SESTD1: variants seen among roughly 807,000 people sequenced by gnomAD.
The protein encoded by SESTD1 is SEC14 and spectrin domain containing 1.
In SESTD1, 43 loss-of-function variants were observed where a neutral mutation model predicts 101.7. The observed-to-expected ratio is 0.42, with a 90% CI of 0.33 to 0.55. The LOEUF (loss-of-function observed/expected upper bound fraction) is 0.55. Among genes scored for constraint, SESTD1 ranks in the 20% least tolerant of loss-of-function variants. SESTD1 has a pLI of 0.07. For missense variants in SESTD1, 647 were observed against 815.1 expected (o/e 0.79, Z 2.51); for synonymous variants, 283 against 286.8 (o/e 0.99, Z 0.13).
intron 1 of SESTD1, among the ~76,000 whole-genome samples, chr2:179,224,405 G>A (rs2046854268): frequency 6.6e-6 from 1 of 152,176 alleles, no homozygotes; most frequent in Admixed American, 6.5e-5. Context: ...CTAAGGCTAA[G>A]TCCAAGGATA....
At chr2:179,239,266 G>A (rs1005820796) in intron 1 of SESTD1, among the ~76,000 whole-genome samples, 1 of 152,024 alleles carries the variant, frequency 6.6e-6, no homozygotes, top group Admixed American at 6.5e-5. Flanking sequence ...GAATAATCCT[G>A]AATTCTGTTA....
chr2:179,194,206 T>A (rs546174343), intron 1 of SESTD1, among the ~76,000 whole-genome samples: 17 of 152,234 alleles, frequency 1.1e-4, no homozygotes, highest in Admixed American at 6.5e-4. Flanking sequence ...CCCCTCAACA[T>A]CCCAACCTTT....
intron 1 of SESTD1, among the ~76,000 whole-genome samples, chr2:179,245,177 T>C (rs904236180): frequency 6.6e-6 from 1 of 151,736 alleles, no homozygotes; most frequent in Non-Finnish European, 1.5e-5. Context: ...CAACACAGCA[T>C]GTTGGCAACA....
chr2:179,147,869 CG>C (rs2045430399), intron 7 of SESTD1, among the ~76,000 whole-genome samples: 1 of 152,174 alleles, frequency 6.6e-6, no homozygotes, highest in South Asian at 2.1e-4. Context: ...CAAACTTACT[CG>C]GATGGACTAT....
At chr2:179,246,472 T>C (rs2047233266) in intron 1 of SESTD1, among the ~76,000 whole-genome samples, 5 of 152,170 alleles carry the variant, frequency 3.3e-5, no homozygotes. Context: ...AGATATCTCT[T>C]CAGTATCTCT....
chr2:179,108,402 A>C lies in SESTD1; in HGVS notation c.*1497T>G, dbSNP rs2044432520. ...GGGTAAGGGATTCAGACGGAGAAAA[A>C]AACCATTCAGTTTGGTAACTGGGAG... On this transcript the variant is annotated 3_prime_UTR_variant, in exon 18 of 18. Transcript: ENST00000428443. 6.6e-6 allele frequency: 1 copy of C among 152,264 alleles called. No homozygotes were observed. The highest frequency in any genetic ancestry group is 2.4e-5 in the African/African-American group (1 of 41,422). The allele number at this position is 152,264 out of a possible 1,614,324, so 9.4% of individuals were successfully genotyped here. A position where few individuals can be genotyped will look rare whatever the true frequency, so the allele number is the denominator to read the frequency against.
intron 1 of SESTD1, among the ~76,000 whole-genome samples, chr2:179,230,529 A>C (rs992771209): frequency 7.9e-5 from 12 of 152,092 alleles, no homozygotes; most frequent in African/African-American, 2.9e-4. Context: ...AAAATAAATA[A>C]ATAAATAAGA....
intron 9 of SESTD1, among the ~76,000 whole-genome samples, chr2:179,138,219 C>A (rs561447389): frequency 6.6e-6 from 1 of 152,112 alleles, no homozygotes; most frequent in African/African-American, 2.4e-5. Context: ...CTTCCTTACC[C>A]AGTTGAGCTG....
Position 179,215,303 on chromosome 2 carries a change from G to A in SESTD1, c.-25-23437C>T, listed in dbSNP as rs1559146861. On this transcript the variant is annotated intron_variant, in intron 1 of 17. Coordinates refer to ENST00000428443, the MANE Select transcript of SESTD1 (RefSeq NM_178123.5). ...ACAGATGCAATAAAAAATGATAAAC[G>A]GGATATCACCACTAATCTAACAGAA... Among the ~76,000 whole-genome samples the A allele has an allele frequency of 3.0e-5, 4 of 134,492 alleles. 1 individual carries two copies. The highest frequency in any genetic ancestry group is 4.8e-5 in the Non-Finnish European group (3 of 62,614). 88.2% of individuals were successfully genotyped at this position (134,492 alleles called of 152,430 possible).
intron 2 of SESTD1, 69 bp downstream of exon 2, chr2:179,191,718 A>C: frequency 7.7e-7 from 1 of 1,292,852 alleles, no homozygotes. Flanking sequence ...CATCTGTCAT[A>C]CTTAACAAAG....
At chr2:179,254,149 T>C (rs1032860321) in intron 1 of SESTD1, among the ~76,000 whole-genome samples, 8 of 151,912 alleles carry the variant, frequency 5.3e-5, no homozygotes, top group African/African-American at 1.9e-4. Context: ...TATTAATGTA[T>C]TATCTATTCA....
At chr2:179,115,801 T>C (rs552518937) in intron 15 of SESTD1, among the ~76,000 whole-genome samples, 4 of 152,162 alleles carry the variant, frequency 2.6e-5, no homozygotes, top group Non-Finnish European at 2.9e-5. Flanking sequence ...CTCCTTCTGT[T>C]AGGCTTCCCC....
intron 4 of SESTD1, among the ~76,000 whole-genome samples, chr2:179,175,542 ACT>A (rs2045996828): frequency 6.6e-6 from 1 of 151,802 alleles, no homozygotes; most frequent in Non-Finnish European, 1.5e-5. Flanking sequence ...GCCATCAACT[ACT>A]CTCATTGTAT....
intron 1 of SESTD1, among the ~76,000 whole-genome samples, chr2:179,263,790 A>G (rs2047516553): frequency 6.6e-6 from 1 of 152,296 alleles, no homozygotes; most frequent in East Asian, 1.9e-4. Context: ...GAGTCTACCT[A>G]AAATAGAAAA....
chr2:179,187,672 T>C (rs1038788519), intron 2 of SESTD1, among the ~76,000 whole-genome samples: 11 of 151,996 alleles, frequency 7.2e-5, no homozygotes, highest in Non-Finnish European at 1.3e-4. Context: ...CCATCTTCTG[T>C]CTTCAAGAGA....
rs143015968 is a variant in SESTD1, at chr2:179,249,694, T to C, written c.-26+14805A>G. ...GTTACGTACAGAGGCAAAAAAAGAA[T>C]ACCTAAAACAATTTTGGAAAATAAT... On this transcript the variant is annotated intron_variant, in intron 1 of 17. Transcript: ENST00000428443. Among the ~76,000 whole-genome samples, 642 of 152,080 alleles carry C rather than the reference T, an allele frequency of 4.2e-3. 2 individuals carry two copies. The highest frequency in any genetic ancestry group is 0.014 in the African/African-American group (594 of 41,514).
intron 5 of SESTD1, among the ~76,000 whole-genome samples, chr2:179,166,597 T>C (rs888538765): frequency 1.3e-5 from 2 of 152,138 alleles, no homozygotes; most frequent in Admixed American, 6.5e-5. Context: ...AGATTGAGGC[T>C]GAATAAGAAC....
chr2:179,260,102 T>C (rs1018318195), intron 1 of SESTD1, among the ~76,000 whole-genome samples: 5 of 152,252 alleles, frequency 3.3e-5, no homozygotes, highest in African/African-American at 1.2e-4. Context: ...CAAATTTACA[T>C]TTGTATAGCA....
intron 4 of SESTD1, among the ~76,000 whole-genome samples, chr2:179,174,977 C>T (rs1186680121): frequency 6.6e-6 from 1 of 150,796 alleles, no homozygotes; most frequent in Non-Finnish European, 1.5e-5. Flanking sequence ...TGGGGGGATT[C>T]TCATGATGAA....
Sources: gnomAD v4.1 joint callset for allele counts (sites outside exome capture counted in the v4.1 genomes callset) on GRCh38, gnomAD v4.1.1 for gene constraint, MANE v1.5 for transcripts, NCBI Gene and HGNC (gene_info 2026-07-23, HGNC 2026-07-21) for gene names.